Variants in GRIP1 observed in about 807,000 individuals in gnomAD.
GRIP1 encodes glutamate receptor-interacting protein 1.
In GRIP1, 45 loss-of-function variants were observed where a neutral mutation model predicts 129.9. The ratio of observed to expected loss-of-function variants is 0.35; its 90% CI spans 0.27 to 0.44. The LOEUF is 0.44. GRIP1 is among the 20% of genes least tolerant of loss of function. GRIP1 has a pLI of 1.00. For missense variants in GRIP1, 1,196 were observed against 1,396.8 expected (o/e 0.86, Z 2.29); for synonymous variants, 530 against 520.8 (o/e 1.02, Z -0.24).
At chr12:66,588,737 G>A (rs901891157) in intron 2 of GRIP1, among the ~76,000 whole-genome samples, 4 of 152,014 alleles carry the variant, frequency 2.6e-5, no homozygotes, top group African/African-American at 9.7e-5. Flanking sequence ...TTGGGAGGCC[G>A]AGGCAGGTAG....
At chr12:66,735,620 A>G (rs908646581) in intron 1 of GRIP1, among the ~76,000 whole-genome samples, 2 of 152,134 alleles carry the variant, frequency 1.3e-5, no homozygotes, top group African/African-American at 2.4e-5. Flanking sequence ...CAGGAGGGGA[A>G]AAAAAGAAAT....
chr12:67,018,632 C>T (rs1383938000), intron 1 of GRIP1, among the ~76,000 whole-genome samples: 5 of 152,132 alleles, frequency 3.3e-5, no homozygotes, highest in South Asian at 2.1e-4. Flanking sequence ...AGGCAGAAAC[C>T]AGAAGTCCAT....
intron 16 of GRIP1, among the ~76,000 whole-genome samples, chr12:66,399,100 A>G (rs533079494): frequency 3.3e-5 from 5 of 152,046 alleles, no homozygotes; most frequent in Admixed American, 1.3e-4. Context: ...GCCAAGGTCT[A>G]GTTTCCTTTT....
chr12:66,955,636 T>G (rs915477899), intron 1 of GRIP1, among the ~76,000 whole-genome samples: 1 of 151,632 alleles, frequency 6.6e-6, no homozygotes, highest in African/African-American at 2.4e-5. Flanking sequence ...GCTTCTCCAG[T>G]AGCTGGGATT....
intron 5 of GRIP1, among the ~76,000 whole-genome samples, chr12:66,528,134 G>GTTTTTTTCTTTTT (rs2061320749): frequency 1.0e-5 from 1 of 99,244 alleles, no homozygotes; most frequent in Non-Finnish European, 1.9e-5. Context: ...GAATTAGTAG[G>GTTTTTTTCTTTTT]TTTTTTTTTT....
intron 1 of GRIP1, among the ~76,000 whole-genome samples, chr12:66,992,184 A>C (rs1327866316): frequency 3.3e-5 from 5 of 152,218 alleles, no homozygotes; most frequent in Admixed American, 1.3e-4. Flanking sequence ...ATGAACGTCA[A>C]AATTTGTGAA....
chr12:66,552,112 G>A (rs974059826), intron 2 of GRIP1, among the ~76,000 whole-genome samples: 3 of 152,184 alleles, frequency 2.0e-5, no homozygotes, highest in African/African-American at 7.2e-5. Flanking sequence ...GAGTTAGGTC[G>A]CTTAGTGTTT....
intron 1 of GRIP1, among the ~76,000 whole-genome samples, chr12:66,606,393 T>G (rs892399357): frequency 1.3e-5 from 2 of 152,222 alleles, no homozygotes; most frequent in Non-Finnish European, 2.9e-5. Context: ...ATCCCACTGG[T>G]TTCCTCTATA....
intron 1 of GRIP1, among the ~76,000 whole-genome samples, chr12:66,895,782 A>G (rs1176529705): frequency 6.6e-6 from 1 of 152,220 alleles, no homozygotes; most frequent in Non-Finnish European, 1.5e-5. Flanking sequence ...CCAGAAGATG[A>G]GGAAGTTATA....
At chr12:66,823,439 T>A (rs910664973) in intron 1 of GRIP1, among the ~76,000 whole-genome samples, 3 of 152,130 alleles carry the variant, frequency 2.0e-5, no homozygotes, top group African/African-American at 7.2e-5. Context: ...GCAAAGTACT[T>A]TGCACATTAA....
intron 1 of GRIP1, among the ~76,000 whole-genome samples, chr12:66,869,202 AG>A (rs1194506423): frequency 6.6e-6 from 1 of 151,970 alleles, no homozygotes; most frequent in Admixed American, 6.6e-5. Context: ...TGTACTTAAT[AG>A]GTACTCAATA....
intron 1 of GRIP1, among the ~76,000 whole-genome samples, chr12:66,844,870 A>C (rs2039785523): frequency 6.6e-6 from 1 of 152,226 alleles, no homozygotes; most frequent in African/African-American, 2.4e-5. Context: ...CAAAAAAAGA[A>C]ATATCACATG....
At chr12:66,723,258 TCCTTCCTTCCTTCCTTCCTTCC>T (rs2036133252) in intron 1 of GRIP1, among the ~76,000 whole-genome samples, 1 of 9,748 alleles carries the variant, frequency 1.0e-4, no homozygotes, top group African/African-American at 5.4e-4. Context: ...CTTCCTTCCT[TCCTTCCTTCCTTCCTTCCTTCC>T]TTCCTTTCTT....
Position 66,463,022 on chromosome 12 carries a change from G to C in GRIP1, c.944C>G (p.Ala315Gly), listed in dbSNP as rs1254862169. The C allele has an allele frequency of 1.9e-6, 3 of 1,613,676 alleles. No individual in the cohort carries two copies. The highest frequency in any genetic ancestry group is 2.5e-6 in the Non-Finnish European group (3 of 1,179,766). Residue 315 changes from alanine to glycine, a missense_variant, in exon 9 of 25, where the codon GCA becomes GGA. Coordinates refer to ENST00000359742, the MANE Select transcript of GRIP1 (RefSeq NM_001366722.1). ...DGTSMEYCTL[A>G]EATQFLANTT... The stretch of plus-strand genomic sequence containing the variant: ...GTTGGCCAGGAACTGGGTTGCTTCT[G>C]CAAGTGTACAGTACTCCATGCTGGT...
chr12:66,593,992 C>T (rs920814579), intron 2 of GRIP1, among the ~76,000 whole-genome samples: 6 of 127,642 alleles, frequency 4.7e-5, no homozygotes, highest in East Asian at 2.6e-4. Flanking sequence ...GGTGTGAACC[C>T]GGGAGGTGGA....
chr12:66,838,299 G>A (rs2039654311), intron 1 of GRIP1, among the ~76,000 whole-genome samples: 1 of 151,852 alleles, frequency 6.6e-6, no homozygotes. Flanking sequence ...CTATCATTGG[G>A]TACCATTTGT....
chr12:66,828,466 T>C (rs2039457023), intron 1 of GRIP1, among the ~76,000 whole-genome samples: 1 of 152,212 alleles, frequency 6.6e-6, no homozygotes, highest in Non-Finnish European at 1.5e-5. Flanking sequence ...ACAGCTCACA[T>C]TCCCTATCAC....
chr12:66,549,499 C>G (rs563740579), intron 2 of GRIP1, among the ~76,000 whole-genome samples: 2 of 152,118 alleles, frequency 1.3e-5, no homozygotes, highest in Non-Finnish European at 2.9e-5. Context: ...GGTGGTGCCA[C>G]TAGGAAGTTT....
At chr12:66,375,092 C>A (rs1407629717) in intron 22 of GRIP1, among the ~76,000 whole-genome samples, 1 of 152,004 alleles carries the variant, frequency 6.6e-6, no homozygotes, top group Non-Finnish European at 1.5e-5. Flanking sequence ...ATAGTTAAAG[C>A]AGTGATCATT....
Sources: gnomAD v4.1 joint callset for allele counts (sites outside exome capture counted in the v4.1 genomes callset) on GRCh38, gnomAD v4.1.1 for gene constraint, MANE v1.5 for transcripts, NCBI Gene and HGNC (gene_info 2026-07-23, HGNC 2026-07-21) for gene names.